The following UTP20 variants were observed in gnomAD, a reference collection of about 807,000 sequenced individuals.
UTP20 encodes the protein small subunit processome component 20 homolog.
A neutral mutation model predicts 329.5 loss-of-function variants in UTP20; 164 were observed. The ratio of observed to expected loss-of-function variants is 0.50; its 90% CI spans 0.44 to 0.57. UTP20 has a LOEUF of 0.57. UTP20 is among the 20% of genes least tolerant of loss of function. The pLI is 0.00. For missense variants in UTP20, 3,055 were observed against 3,284.2 expected (o/e 0.93, Z 1.71); for synonymous variants, 1,151 against 1,159.3 (o/e 0.99, Z 0.14).
intron 29 of UTP20, among the ~76,000 whole-genome samples, chr12:101,336,771 A>G (rs1409123816): frequency 6.6e-6 from 1 of 152,172 alleles, no homozygotes; most frequent in African/African-American, 2.4e-5. Flanking sequence ...ATCTCCATCC[A>G]TGTGTAGCTG....
Position 101,280,141 on chromosome 12 carries a change from C to T in UTP20, c.-142C>T, listed in dbSNP as rs564679288. The T allele has an allele frequency of 3.4e-5, 38 of 1,108,068 alleles. No individual in the cohort carries two copies. Among genetic ancestry groups the T allele is most frequent in the Non-Finnish European group, 4.5e-5 (35 of 785,846 alleles). The allele number at this position is 1,108,068 out of a possible 1,614,324, so 68.6% of individuals were successfully genotyped here. On this transcript the variant is annotated 5_prime_UTR_variant, in exon 1 of 62. Transcript: ENST00000261637. The stretch of plus-strand genomic sequence containing the variant: ...TCCTTGTCTCCAACATGGCGGCGCC[C>T]AGGGGCTCAAGCCGCACGTGAGAAA...
Position 101,293,095 on chromosome 12 carries a change from A to G in UTP20, c.1174-73A>G, listed in dbSNP as rs940877621. On this transcript the variant is annotated intron_variant, in intron 10 of 61. Coordinates refer to ENST00000261637, the MANE Select transcript of UTP20 (RefSeq NM_014503.3). ...TGAAGTGTCCCTGCCATTCCCTTCT[A>G]TAGCTGCTTGCTGGGGGGATGGGGA... The G allele has an allele frequency of 1.5e-5, 22 of 1,474,304 alleles. No individual in the cohort carries two copies. The African/African-American group carries it at 1.5e-4, about 10-fold the overall frequency. The allele number at this position is 1,474,304 out of a possible 1,614,324, so 91.3% of individuals were successfully genotyped here.
At chr12:101,286,030 C>A in intron 4 of UTP20, 149 bp downstream of exon 4, 1 of 1,162,732 alleles carries the variant, frequency 8.6e-7, no homozygotes, top group Non-Finnish European at 1.2e-6. Context: ...AAGTGCATTA[C>A]CATAAAGTGG....
Position 101,308,355 on chromosome 12 carries a change from G to A in UTP20, c.2154+12G>A, listed in dbSNP as rs1475842709. 4 of 1,426,132 alleles carry A rather than the reference G, an allele frequency of 2.8e-6. No individual in the cohort carries two copies. Among genetic ancestry groups the A allele is most frequent in the African/African-American group, 2.9e-5 (2 of 68,936 alleles). The allele number at this position is 1,426,132 out of a possible 1,614,324, so 88.3% of individuals were successfully genotyped here. On this transcript the variant is annotated intron_variant, in intron 18 of 61. Coordinates refer to ENST00000261637, the MANE Select transcript of UTP20 (RefSeq NM_014503.3). The stretch of plus-strand genomic sequence containing the variant: ...GGCCGTTACAGGAGGTAAAAATAGT[G>A]TTCTTTTATTTTTCCTTTTTAATTC...
Position 101,290,167 on chromosome 12 carries a change from A to C in UTP20, c.628A>C (p.Met210Leu). ...TGATAAAAACGCACTTTTCAATTTA[A>C]TGTTTCTTGATCTTGATAAACATCC... ...VSDKNALFNL[M>L]FLDLDKHPEK... The change falls in exon 7 of 62, where the codon ATG (methionine) becomes CTG (leucine). Residue 210 changes from methionine to leucine, a missense_variant. By Grantham distance (15) the Met-to-Leu change is conservative. Coordinates refer to ENST00000261637, the MANE Select transcript of UTP20 (RefSeq NM_014503.3). 1.2e-6 allele frequency: 2 copies of C among 1,602,796 alleles called. No individual in the cohort carries two copies. The highest frequency in any genetic ancestry group is 2.3e-5 in the South Asian group (2 of 88,542).
chr12:101,383,348 A>G, intron 59 of UTP20, 35 bp downstream of exon 59: 2 of 1,581,860 alleles, frequency 1.3e-6, no homozygotes, highest in African/African-American at 1.4e-5. Context: ...GACAGTAGTC[A>G]TTTCTCTTTA....
chr12:101,295,815 C>T (rs531007960), intron 12 of UTP20, among the ~76,000 whole-genome samples, 157 bp downstream of exon 12: 4 of 151,724 alleles, frequency 2.6e-5, no homozygotes, highest in African/African-American at 4.9e-5. Flanking sequence ...ACACATAGTA[C>T]GTATAGTATG....
chr12:101,299,680 A>T lies in UTP20; in HGVS notation c.1431-2A>T, dbSNP rs1217996596. On this transcript the variant is annotated splice_acceptor_variant, in intron 12 of 61. Transcript: ENST00000261637. LOFTEE classifies it high-confidence loss of function. ...TTTTAAACATTTTTTTTAATCCTTC[A>T]GATTCTATATAAAGCAGAAGAAGAC... 1.3e-6 allele frequency: 2 copies of T among 1,569,028 alleles called. No individual in the cohort carries two copies. Among genetic ancestry groups the T allele is most frequent in the Non-Finnish European group, 1.7e-6 (2 of 1,163,632 alleles).
chr12:101,336,451 A>G (rs1011120685), intron 29 of UTP20, among the ~76,000 whole-genome samples: 5 of 152,218 alleles, frequency 3.3e-5, no homozygotes, highest in Admixed American at 2.0e-4. Flanking sequence ...GCAAAAACTT[A>G]TTAATTAGGG....
intron 46 of UTP20, 21 bp from the exon 47 acceptor site, chr12:101,366,537 C>G (rs754679485): frequency 6.2e-7 from 1 of 1,605,208 alleles, no homozygotes; most frequent in Non-Finnish European, 8.5e-7. Context: ...TTACCCTCTT[C>G]TCATGCCACG....
At chr12:101,293,691 A>G (rs1435975455) in intron 11 of UTP20, among the ~76,000 whole-genome samples, 3 of 152,170 alleles carry the variant, frequency 2.0e-5, no homozygotes, top group Non-Finnish European at 4.4e-5. Flanking sequence ...AGTATACATC[A>G]TGGAAACATA....
rs1045343901 is a variant in UTP20 at position 101,373,678 on chromosome 12, A to G, written c.7042A>G (p.Met2348Val). 1.2e-6 allele frequency: 2 copies of G among 1,613,298 alleles called. No homozygotes were observed. The highest frequency in any genetic ancestry group is 1.7e-5 in the Admixed American group (1 of 59,678). ...DSATCKKMAS[M>V]TIKSLLGKIS... ...TGCCACGTGCAAAAAGATGGCATCC[A>G]TGACAATCAAGTCCCTACTTGGTAA... The change falls in exon 54 of 62, where the codon ATG (methionine) becomes GTG (valine). Residue 2348 changes from methionine (M) to valine (V), a missense_variant. This residue lies in a region of UTP20 where 273 missense variants were observed against 363.1 expected (regional missense o/e 0.75). Transcript: ENST00000261637.
chr12:101,312,223 A>G lies in UTP20; in HGVS notation c.2499A>G (p.Glu833=). The G allele has an allele frequency of 6.2e-7, 1 of 1,614,214 alleles. No individual in the cohort carries two copies. Among genetic ancestry groups the G allele is most frequent in the Non-Finnish European group, 8.5e-7 (1 of 1,180,026 alleles). ...LLWRALTKFP[E]RVEPRSRELS... ...GGAGAGCTCTGACCAAATTCCCAGA[A>G]AGAGTAGAGCCACGGTCCAGGGAGC... The change falls in exon 21 of 62, where the codon GAA becomes GAG. Residue 833 remains glutamate (E), a synonymous_variant. Coordinates refer to ENST00000261637, the MANE Select transcript of UTP20 (RefSeq NM_014503.3).
chr12:101,320,669 T>C (rs976811), intron 23 of UTP20, among the ~76,000 whole-genome samples, 183 bp from the exon 24 acceptor site: 151,084 of 152,314 alleles, frequency 0.99, 74,937 homozygotes, highest in East Asian at 1. Flanking sequence ...TTACTTTGCA[T>C]ATATTCTGTT....
At position 101,338,888 on chromosome 12, in the gene UTP20, T is replaced by C; in HGVS notation, c.3944T>C (p.Ile1315Thr). 6.2e-7 allele frequency: 1 copy of C among 1,611,756 alleles called. No homozygotes were observed. Among genetic ancestry groups the C allele is most frequent in the East Asian group, 2.3e-5 (1 of 44,418 alleles). Residue 1315 changes from isoleucine to threonine, a missense_variant, in exon 31 of 62, where the codon ATA (isoleucine) becomes ACA (threonine). By Grantham distance (89) the Ile-to-Thr change is moderately conservative. Coordinates refer to ENST00000261637, the MANE Select transcript of UTP20 (RefSeq NM_014503.3). ...AILQYLSKTT[I>T]SAEKVKKKKN... is the part of the protein sequence containing the mutation. The stretch of plus-strand genomic sequence containing the variant: ...CTTCAGTATCTCAGCAAAACCACAA[T>C]AAGCGCAGAAAAGGTGAAAAAGAAA...
intron 17 of UTP20, 87 bp downstream of exon 17, chr12:101,306,848 A>G: frequency 7.7e-7 from 1 of 1,295,356 alleles, no homozygotes; most frequent in Non-Finnish European, 1.1e-6. Flanking sequence ...TTTGCAGAAA[A>G]TTAACACACT....
At chr12:101,360,068 C>G (rs1565804177) in intron 43 of UTP20, among the ~76,000 whole-genome samples, 2 of 152,092 alleles carry the variant, frequency 1.3e-5, no homozygotes, top group South Asian at 4.2e-4. Context: ...AATGAGTAGC[C>G]CTTTTTTTCT....
chr12:101,339,894 AT>A (rs1314668725), intron 31 of UTP20, among the ~76,000 whole-genome samples: 6 of 152,228 alleles, frequency 3.9e-5, no homozygotes, highest in African/African-American at 1.4e-4. Context: ...CTTCTTTGCA[AT>A]GCATTTTAAA....
At chr12:101,370,295 A>G in intron 49 of UTP20, 137 bp from the exon 50 acceptor site, 1 of 1,073,638 alleles carries the variant, frequency 9.3e-7, no homozygotes, top group Non-Finnish European at 1.3e-6. Context: ...AATTTTTTCC[A>G]GAGTAATTTG....
Sources: allele counts gnomAD v4.1 joint callset (sites outside exome capture counted in the v4.1 genomes callset), GRCh38; gene constraint gnomAD v4.1.1; regional missense constraint gnomAD v4.1.1; transcripts MANE v1.5; gene names NCBI Gene and HGNC (gene_info 2026-07-23, HGNC 2026-07-21).